Variants in TNIK observed in about 807,000 individuals in gnomAD.
TNIK encodes TRAF2 and NCK-interacting protein kinase.
A neutral mutation model predicts 191.3 loss-of-function variants in TNIK; 49 were observed. That is an observed-to-expected ratio of 0.26 (90% CI 0.20 to 0.32). TNIK has a LOEUF of 0.32. Ranked by LOEUF, TNIK falls within the 10% of genes least tolerant of loss-of-function variation. The probability of loss-of-function intolerance (pLI) is 1.00; values close to 1 mark genes in which losing one functional copy is unlikely to be tolerated. For missense variants in TNIK, 1,155 were observed against 1,702.3 expected (o/e 0.68, Z 5.66); for synonymous variants, 594 against 600.9 (o/e 0.99, Z 0.17).
intron 2 of TNIK, among the ~76,000 whole-genome samples, chr3:171,340,420 T>C (rs1001085647): frequency 2.0e-5 from 3 of 152,204 alleles, no homozygotes; most frequent in African/African-American, 7.2e-5. Context: ...ATTACTAACC[T>C]GTGATTATCA....
At chr3:171,137,332 T>A (rs1210623159) in intron 15 of TNIK, among the ~76,000 whole-genome samples, 1 of 151,738 alleles carries the variant, frequency 6.6e-6, no homozygotes, top group African/African-American at 2.4e-5. Context: ...ATCTAAAGAT[T>A]CTAGATAAAA....
At position 171,139,378 on chromosome 3, in the gene TNIK, GCACACACA is replaced by G. The variant is rs34521732; in HGVS notation, c.1419+84_1419+91del. 1,047 of 692,860 alleles carry G rather than the reference GCACACACA, an allele frequency of 1.5e-3. 1 individual carries two copies. Among genetic ancestry groups the G allele is most frequent in the South Asian group, 0.013 (787 of 58,430 alleles). The allele number at this position is 692,860 out of a possible 1,614,324, so 42.9% of individuals were successfully genotyped here. A position where few individuals can be genotyped will look rare whatever the true frequency, so the allele number is the denominator to read the frequency against. The stretch of plus-strand genomic sequence containing the variant: ...ATGTTAGAAGGACACACGCACGCGC[GCACACACA>G]CACACACACACACACACACACACAC... On this transcript the variant is annotated intron_variant, in intron 14 of 32. Transcript: ENST00000436636.
At chr3:171,408,469 T>C (rs888018599) in intron 1 of TNIK, among the ~76,000 whole-genome samples, 2 of 152,194 alleles carry the variant, frequency 1.3e-5, no homozygotes, top group African/African-American at 4.8e-5. Context: ...CATTCCGCCA[T>C]GAAGGACTTT....
chr3:171,077,520 C>T (rs543692789), intron 28 of TNIK, among the ~76,000 whole-genome samples: 28 of 152,270 alleles, frequency 1.8e-4, no homozygotes, highest in African/African-American at 6.5e-4. Context: ...CTGAGTCTTC[C>T]TGCTTGGTTG....
intron 2 of TNIK, among the ~76,000 whole-genome samples, chr3:171,357,853 C>CA (rs2108459025): frequency 6.6e-6 from 1 of 152,144 alleles, no homozygotes; most frequent in East Asian, 1.9e-4. Flanking sequence ...AATGTGCTAC[C>CA]ATAGATGGAC....
intron 15 of TNIK, among the ~76,000 whole-genome samples, chr3:171,134,885 T>C (rs2108608312): frequency 6.6e-6 from 1 of 151,724 alleles, no homozygotes; most frequent in Non-Finnish European, 1.5e-5. Flanking sequence ...AGAGGAGAAG[T>C]AGATGGAAAA....
rs1352964341 is a variant in TNIK, at chr3:171,298,448, C to G, written c.124-70227G>C. 3.9e-5 allele frequency among the ~76,000 whole-genome samples: 6 copies of G among 152,330 alleles called. No homozygotes were observed. In the East Asian group the frequency reaches 1.2e-3, roughly 29 times the overall value. ...TTATTAAATATTCCCTCTGTTCCCTCGCATGTTCCAGCCCCTTGCAGTTAT... is the reference window on the plus strand; with the variant it reads ...TTATTAAATATTCCCTCTGTTCCCTGGCATGTTCCAGCCCCTTGCAGTTAT... On this transcript the variant is annotated intron_variant, in intron 2 of 32. Transcript: ENST00000436636.
At chr3:171,153,733 G>C in intron 12 of TNIK, among the ~76,000 whole-genome samples, 1 of 152,134 alleles carries the variant, frequency 6.6e-6, no homozygotes, top group East Asian at 1.9e-4. Flanking sequence ...TAATCAACAT[G>C]GTCTACAAAG....
At chr3:171,102,752 T>C (rs1418755327) in intron 21 of TNIK, among the ~76,000 whole-genome samples, 1 of 152,308 alleles carries the variant, frequency 6.6e-6, no homozygotes, top group South Asian at 2.1e-4. Context: ...TATTCTCTCT[T>C]TATTTCAATC....
intron 2 of TNIK, among the ~76,000 whole-genome samples, chr3:171,324,112 C>A (rs954126518): frequency 1.3e-5 from 2 of 148,980 alleles, no homozygotes; most frequent in African/African-American, 5.0e-5. Context: ...GCTGGTCATT[C>A]CCAAGCAGAA....
intron 18 of TNIK, among the ~76,000 whole-genome samples, chr3:171,115,860 G>A (rs1726605599): frequency 6.6e-6 from 1 of 152,222 alleles, no homozygotes; most frequent in Non-Finnish European, 1.5e-5. Flanking sequence ...GTGATGTCCT[G>A]TGTGAAAAAG....
chr3:171,385,642 G>T (rs933141105), intron 1 of TNIK, among the ~76,000 whole-genome samples: 17 of 152,150 alleles, frequency 1.1e-4, no homozygotes, highest in African/African-American at 3.1e-4. Flanking sequence ...ATACCTGCAG[G>T]ATTTGGGTAC....
chr3:171,128,691 G>C, intron 16 of TNIK, 23 bp downstream of exon 16: 1 of 1,592,288 alleles, frequency 6.3e-7, no homozygotes, highest in Non-Finnish European at 8.6e-7. Context: ...TGGAATGCCT[G>C]ATGGAATGGA....
chr3:171,248,022 G>C (rs893264671), intron 2 of TNIK, among the ~76,000 whole-genome samples: 2 of 152,200 alleles, frequency 1.3e-5, no homozygotes, highest in Non-Finnish European at 2.9e-5. Context: ...CTGGGCAAGG[G>C]AGGAGACAAC....
chr3:171,422,453 T>C (rs1477997349), intron 1 of TNIK, among the ~76,000 whole-genome samples: 1 of 152,172 alleles, frequency 6.6e-6, no homozygotes, highest in Non-Finnish European at 1.5e-5. Context: ...AATATTTATA[T>C]GGTCAAGAAA....
At chr3:171,194,678 A>C in intron 4 of TNIK, 43 bp from the exon 5 acceptor site, 1 of 1,576,720 alleles carries the variant, frequency 6.3e-7, no homozygotes, top group Non-Finnish European at 8.7e-7. Flanking sequence ...ATGATGCTTC[A>C]CTGCTTCCAT....
intron 2 of TNIK, among the ~76,000 whole-genome samples, chr3:171,272,955 T>C (rs903115516): frequency 6.6e-6 from 1 of 152,212 alleles, no homozygotes; most frequent in African/African-American, 2.4e-5. Context: ...GATATTCCAG[T>C]CTTCACAGAT....
chr3:171,072,340 A>G (rs1342164856), intron 28 of TNIK, among the ~76,000 whole-genome samples: 2 of 152,132 alleles, frequency 1.3e-5, no homozygotes, highest in Non-Finnish European at 2.9e-5. Flanking sequence ...ATAACTTTTC[A>G]TGACATAAAG....
At chr3:171,226,045 T>C (rs1227768698) in intron 3 of TNIK, among the ~76,000 whole-genome samples, 1 of 152,212 alleles carries the variant, frequency 6.6e-6, no homozygotes, top group Non-Finnish European at 1.5e-5. Flanking sequence ...TACACGTTTA[T>C]AATGGGTTTC....
Sources: allele counts gnomAD v4.1 joint callset (sites outside exome capture counted in the v4.1 genomes callset), GRCh38; gene constraint gnomAD v4.1.1; transcripts MANE v1.5; gene names NCBI Gene and HGNC (gene_info 2026-07-23, HGNC 2026-07-21).